COBL: variants seen among roughly 807,000 people sequenced by gnomAD.
COBL encodes the protein cordon-bleu WH2 repeat protein.
COBL carries 51 observed loss-of-function variants against 98.8 expected under a neutral mutation model. The observed-to-expected ratio is 0.52, with a 90% confidence interval of 0.41 to 0.65. The LOEUF is 0.65. Ranked by LOEUF, COBL falls within the 30% of genes least tolerant of loss-of-function variation. The pLI is 0.00. For missense variants in COBL, 1,617 were observed against 1,617.5 expected, an observed-to-expected ratio of 1.00 and a Z score of 0.01; for synonymous variants, 634 against 651.7, an observed-to-expected ratio of 0.97 and a Z score of 0.41.
intron 1 of COBL, among the ~76,000 whole-genome samples, chr7:51,286,532 G>A (rs1169271576): frequency 6.6e-6 from 1 of 152,066 alleles, no homozygotes; most frequent in African/African-American, 2.4e-5. Context: ...TTAATCATCA[G>A]AGAAATGCAA....
intron 7 of COBL, among the ~76,000 whole-genome samples, chr7:51,060,342 T>C (rs892127442): frequency 3.9e-5 from 6 of 152,212 alleles, no homozygotes; most frequent in African/African-American, 1.4e-4. Context: ...GTAGGCCTTA[T>C]CCATTGTCAT....
intron 6 of COBL, among the ~76,000 whole-genome samples, chr7:51,088,199 C>T (rs989986625): frequency 3.9e-5 from 6 of 152,096 alleles, no homozygotes; most frequent in Non-Finnish European, 7.4e-5. Flanking sequence ...CTTAATTCTG[C>T]AGAATTTTTT....
chr7:51,158,084 T>C (rs1044945478), intron 5 of COBL, among the ~76,000 whole-genome samples: 3 of 152,224 alleles, frequency 2.0e-5, no homozygotes, highest in Admixed American at 1.3e-4. Flanking sequence ...GTGTCATCTG[T>C]GTCTGCTGTG....
rs539032664 is a variant in COBL, at chr7:51,157,880, A to G, written c.784-21549T>C. The stretch of plus-strand genomic sequence containing the variant: ...TAGCTGTTGCACAATGCACTGATAT[A>G]TAATTTTTATTTGTCAATTGAAATA... On this transcript the variant is annotated intron_variant, in intron 5 of 12. Coordinates refer to ENST00000265136, the MANE Select transcript of COBL (RefSeq NM_015198.5). 9.2e-5 allele frequency among the ~76,000 whole-genome samples: 14 copies of G among 152,372 alleles called. No homozygotes were observed. In the East Asian group the frequency reaches 2.5e-3, roughly 27 times the overall value.
At chr7:51,251,229 G>A (rs1796708002) in intron 1 of COBL, among the ~76,000 whole-genome samples, 1 of 152,160 alleles carries the variant, frequency 6.6e-6, no homozygotes, top group African/African-American at 2.4e-5. Context: ...GAATGTATAT[G>A]ACATGCCAGG....
At chr7:51,248,169 T>C (rs1275656191) in intron 1 of COBL, among the ~76,000 whole-genome samples, 1 of 152,214 alleles carries the variant, frequency 6.6e-6, no homozygotes, top group Non-Finnish European at 1.5e-5. Flanking sequence ...AGTCTACCAC[T>C]TTGAGGCACA....
chr7:51,187,098 T>G (rs1789600288), intron 4 of COBL, among the ~76,000 whole-genome samples: 2 of 151,940 alleles, frequency 1.3e-5, no homozygotes, highest in African/African-American at 4.8e-5. Flanking sequence ...TTACAATGAT[T>G]TGAAAAATGT....
At chr7:51,195,071 C>G (rs1325477473) in intron 2 of COBL, among the ~76,000 whole-genome samples, 3 of 151,962 alleles carry the variant, frequency 2.0e-5, no homozygotes, top group Non-Finnish European at 4.4e-5. Context: ...GTTTCGGAGT[C>G]TTCGTCATAA....
In COBL at chr7:51,028,897, A is replaced by G. The variant is rs1290255969; in HGVS notation, c.2199T>C (p.Ile733=). Reference sequence around the variant, plus strand: ...GACTCACCAAGTTCCCCAGCTCGTCAATCTTAATGGCTCCGGTGGAGAGGG... The same window carrying G: ...GACTCACCAAGTTCCCCAGCTCGTCGATCTTAATGGCTCCGGTGGAGAGGG... ...DVSLSTGAIK[I]DELGNLVSPH... is the part of the protein sequence containing the mutation. The change falls in exon 10 of 13, where the codon ATT becomes ATC. Residue 733 remains isoleucine, a synonymous_variant. Transcript: ENST00000265136. The G allele has an allele frequency of 1.9e-6, 3 of 1,614,226 alleles. No individual in the cohort carries two copies. Among genetic ancestry groups the G allele is most frequent in the Admixed American group, 1.7e-5 (1 of 60,018 alleles).
intron 7 of COBL, among the ~76,000 whole-genome samples, chr7:51,051,030 G>A (rs1206102031): frequency 2.6e-5 from 4 of 151,934 alleles, no homozygotes; most frequent in Admixed American, 1.3e-4. Flanking sequence ...TTTATTTTCC[G>A]TTATTTGGAT....
In COBL at chr7:51,208,302, G is replaced by A. The variant is rs553019132; in HGVS notation, c.245+11439C>T. On this transcript the variant is annotated intron_variant, in intron 2 of 12. Coordinates refer to ENST00000265136, the MANE Select transcript of COBL (RefSeq NM_015198.5). ...CCACCCCGTCTGGGAAGTGAGGAGC[G>A]TCTCCGCCCGGCAGCCACCCCGTCC... Among the ~76,000 whole-genome samples, 223 of 151,406 alleles carry A rather than the reference G, an allele frequency of 1.5e-3. 4 individuals carry two copies. Among genetic ancestry groups the A allele is most frequent in the Non-Finnish European group, 1.8e-3 (125 of 67,716 alleles).
intron 5 of COBL, chr7:51,156,327 T>C: frequency 4.1e-6 from 4 of 985,360 alleles, no homozygotes; most frequent in Non-Finnish European, 4.8e-6. Flanking sequence ...GTTATTCTTG[T>C]CCAAGTTTAT....
chr7:51,305,760 C>T (rs148126009), intron 1 of COBL, among the ~76,000 whole-genome samples: 168 of 151,368 alleles, frequency 1.1e-3, no homozygotes, highest in African/African-American at 3.7e-3. Flanking sequence ...GATGGCTGGG[C>T]GTGGTGGCTC....
chr7:51,141,632 AC>A (rs1204311392), intron 5 of COBL, among the ~76,000 whole-genome samples: 1 of 147,120 alleles, frequency 6.8e-6, no homozygotes, highest in South Asian at 2.1e-4. Context: ...AGGCTTTACA[AC>A]TTTTTTTTTT....
intron 6 of COBL, among the ~76,000 whole-genome samples, chr7:51,129,357 A>G (rs1297227662): frequency 6.6e-6 from 1 of 151,742 alleles, no homozygotes; most frequent in Admixed American, 6.6e-5. Flanking sequence ...TTATAAGGAC[A>G]CTAATCCCAT....
chr7:51,085,574 C>T (rs532877849), intron 6 of COBL, among the ~76,000 whole-genome samples: 128 of 152,276 alleles, frequency 8.4e-4, no homozygotes, highest in African/African-American at 3.0e-3. Context: ...GAGCAGGGAG[C>T]TCATATTTTC....
intron 2 of COBL, among the ~76,000 whole-genome samples, chr7:51,211,563 A>G (rs1792434931): frequency 6.6e-6 from 1 of 152,230 alleles, no homozygotes; most frequent in African/African-American, 2.4e-5. Flanking sequence ...TCTACATAGT[A>G]AGGCATTCGC....
At chr7:51,209,523 G>C (rs1171622227) in intron 2 of COBL, among the ~76,000 whole-genome samples, 1 of 152,160 alleles carries the variant, frequency 6.6e-6, no homozygotes. Context: ...TCAATGAAGA[G>C]CTCCAGGAAA....
chr7:51,192,736 G>A (rs1017334548), intron 3 of COBL, among the ~76,000 whole-genome samples: 4 of 152,142 alleles, frequency 2.6e-5, no homozygotes, highest in African/African-American at 9.7e-5. Context: ...AAATATTTCT[G>A]ACATCAGTTT....
Sources: allele counts gnomAD v4.1 joint callset (sites outside exome capture counted in the v4.1 genomes callset), GRCh38; gene constraint gnomAD v4.1.1; transcripts MANE v1.5; gene names NCBI Gene and HGNC (gene_info 2026-07-23, HGNC 2026-07-21).